The following CDH18 variants were observed in gnomAD, a reference collection of about 807,000 sequenced individuals.
CDH18 encodes the protein cadherin 18.
In CDH18, 31 loss-of-function variants were observed where a neutral mutation model predicts 67.9. The ratio of observed to expected loss-of-function variants is 0.46; its 90% CI spans 0.34 to 0.62. The LOEUF (loss-of-function observed/expected upper bound fraction) is 0.62. Ranked by LOEUF, CDH18 falls within the 20% of genes least tolerant of loss-of-function variation. CDH18 has a pLI of 0.01. For missense variants in CDH18, 890 were observed against 975.5 expected, an observed-to-expected ratio of 0.91 and a Z score of 1.17; for synonymous variants, 362 against 347.2, an observed-to-expected ratio of 1.04 and a Z score of -0.48.
At chr5:19,785,654 C>CAAAAAAAAAAAA (rs35498841) in intron 3 of CDH18, among the ~76,000 whole-genome samples, 1 of 3,900 alleles carries the variant, frequency 2.6e-4, no homozygotes, top group Non-Finnish European at 5.7e-4. Flanking sequence ...AACTCTGTCT[C>CAAAAAAAAAAAA]AAAAAAAAAA....
rs143852735 is a variant in CDH18, at chr5:20,535,616, T to C, written c.-580+39846A>G. ...TGCTCTGCCTATCGCAGAAAGCCCTTTTATGAGGAATCTTCCCAGTGTGCC... is the reference window on the plus strand; with the variant it reads ...TGCTCTGCCTATCGCAGAAAGCCCTCTTATGAGGAATCTTCCCAGTGTGCC... On this transcript the variant is annotated intron_variant, in intron 1 of 14. Coordinates refer to the CDH18 transcript ENST00000507958. Among the ~76,000 whole-genome samples, 30 of 152,226 alleles carry C rather than the reference T, an allele frequency of 2.0e-4. No homozygotes were observed. The East Asian group carries it at 5.4e-3, about 27-fold the overall frequency.
chr5:19,778,835 C>T (rs370919890), intron 3 of CDH18, among the ~76,000 whole-genome samples: 1 of 152,142 alleles, frequency 6.6e-6, no homozygotes, highest in Non-Finnish European at 1.5e-5. Flanking sequence ...CATCCCTGGA[C>T]AGGAGAATAT....
At chr5:20,113,758 G>A (rs1747669778) in intron 2 of CDH18, among the ~76,000 whole-genome samples, 2 of 152,098 alleles carry the variant, frequency 1.3e-5, no homozygotes, top group African/African-American at 2.4e-5. Context: ...AATTGCTAGG[G>A]AAATATTGAC....
intron 1 of CDH18, among the ~76,000 whole-genome samples, chr5:20,509,751 C>T (rs1754911306): frequency 1.3e-5 from 2 of 152,138 alleles, no homozygotes; most frequent in African/African-American, 2.4e-5. Flanking sequence ...CATAGTATTC[C>T]ATTGTGTATA....
At chr5:20,002,092 A>T (rs1736492559) in intron 2 of CDH18, among the ~76,000 whole-genome samples, 1 of 152,182 alleles carries the variant, frequency 6.6e-6, no homozygotes, top group South Asian at 2.1e-4. Context: ...TGGTTTCCTT[A>T]TCACATTCCT....
intron 9 of CDH18, among the ~76,000 whole-genome samples, chr5:19,527,551 C>T (rs564901183): frequency 1.5e-4 from 22 of 151,588 alleles, no homozygotes; most frequent in African/African-American, 4.8e-4. Flanking sequence ...TCAAATATCC[C>T]TTTACTGTAT....
At chr5:20,569,009 C>T (rs77598603) in intron 1 of CDH18, among the ~76,000 whole-genome samples, 2 of 152,276 alleles carry the variant, frequency 1.3e-5, no homozygotes, top group Admixed American at 6.5e-5. Context: ...ATAATGCACC[C>T]ATATTCATCT....
chr5:20,121,115 T>C (rs1481463585), intron 2 of CDH18, among the ~76,000 whole-genome samples: 1 of 152,154 alleles, frequency 6.6e-6, no homozygotes, highest in African/African-American at 2.4e-5. Flanking sequence ...ATTGGAAATT[T>C]GTAATGTTTT....
At chr5:20,320,457 T>A (rs974069692) in intron 1 of CDH18, among the ~76,000 whole-genome samples, 5 of 152,170 alleles carry the variant, frequency 3.3e-5, no homozygotes, top group African/African-American at 7.2e-5. Context: ...AACCTGAAAC[T>A]CTTTCCCTAA....
chr5:19,569,406 T>C (rs1740982440), intron 8 of CDH18, among the ~76,000 whole-genome samples: 1 of 152,172 alleles, frequency 6.6e-6, no homozygotes, highest in Non-Finnish European at 1.5e-5. Flanking sequence ...AGACCATTAT[T>C]ACACTAAACA....
intron 4 of CDH18, among the ~76,000 whole-genome samples, chr5:19,746,209 T>A (rs1400657295): frequency 6.6e-6 from 1 of 151,484 alleles, no homozygotes; most frequent in African/African-American, 2.4e-5. Context: ...AACCAGTGAG[T>A]GGTGAAAAAG....
intron 11 of CDH18, among the ~76,000 whole-genome samples, chr5:19,489,989 T>A (rs958986163): frequency 4.6e-5 from 7 of 152,082 alleles, no homozygotes; most frequent in African/African-American, 1.2e-4. Flanking sequence ...GCTGTTTTTT[T>A]AAAACAAATA....
chr5:20,206,778 C>T (rs1266762242), intron 2 of CDH18, among the ~76,000 whole-genome samples: 3 of 151,798 alleles, frequency 2.0e-5, no homozygotes, highest in Non-Finnish European at 4.4e-5. Context: ...GCTGAAAAAA[C>T]ATTAGACAAA....
At chr5:20,423,456 G>C (rs75459278) in intron 1 of CDH18, among the ~76,000 whole-genome samples, 3,598 of 151,148 alleles carry the variant, frequency 0.024, 131 homozygotes, top group African/African-American at 0.034. Context: ...TATTGTCAGA[G>C]AGTTGTGGAA....
chr5:20,146,461 G>A (rs1750652547), intron 2 of CDH18, among the ~76,000 whole-genome samples: 1 of 151,852 alleles, frequency 6.6e-6, no homozygotes, highest in African/African-American at 2.4e-5. Flanking sequence ...ATTGAATTGT[G>A]TTATATTAGT....
At chr5:19,619,299 G>GA (rs966966423) in intron 5 of CDH18, among the ~76,000 whole-genome samples, 33 of 152,168 alleles carry the variant, frequency 2.2e-4, no homozygotes, top group African/African-American at 7.5e-4. Flanking sequence ...GCTATGATTA[G>GA]AATGTTCAAT....
intron 1 of CDH18, among the ~76,000 whole-genome samples, chr5:20,421,348 T>G (rs1263904171): frequency 6.9e-6 from 1 of 144,464 alleles, no homozygotes. Flanking sequence ...TGATGACGAT[T>G]GAGAAAACAA....
intron 2 of CDH18, among the ~76,000 whole-genome samples, chr5:19,858,206 G>T (rs1311847694): frequency 2.0e-5 from 3 of 152,104 alleles, no homozygotes; most frequent in African/African-American, 2.4e-5. Flanking sequence ...GTCCTAAGCA[G>T]ATTTAAAGAT....
chr5:19,545,438 TA>T (rs771824548), intron 8 of CDH18, among the ~76,000 whole-genome samples: 28 of 152,308 alleles, frequency 1.8e-4, no homozygotes, highest in Non-Finnish European at 3.2e-4. Flanking sequence ...AAAACAGATT[TA>T]TTAATGCTCT....
Sources: gnomAD v4.1 joint callset for allele counts (sites outside exome capture counted in the v4.1 genomes callset) on GRCh38, gnomAD v4.1.1 for gene constraint, MANE v1.5 for transcripts, NCBI Gene and HGNC (gene_info 2026-07-23, HGNC 2026-07-21) for gene names.